Variants in ANK2 observed in about 807,000 individuals in gnomAD.
ANK2 encodes ankyrin 2.
A neutral mutation model predicts 360.5 loss-of-function variants in ANK2; 83 were observed. The ratio of observed to expected loss-of-function variants is 0.23; its 90% CI spans 0.19 to 0.28. The LOEUF is 0.28. Among genes scored for constraint, ANK2 ranks in the 10% least tolerant of loss-of-function variants. The pLI is 1.00. For missense variants in ANK2, 4,201 were observed against 4,795.7 expected (o/e 0.88, Z 3.66); for synonymous variants, 1,740 against 1,759.5 (o/e 0.99, Z 0.28).
chr4:113,044,596 A>G (rs1385859237), intron 2 of ANK2, among the ~76,000 whole-genome samples: 1 of 152,182 alleles, frequency 6.6e-6, no homozygotes, highest in Non-Finnish European at 1.5e-5. Context: ...CGGAGTCTTC[A>G]GGGCTATGTT....
the ANK2 span, chr4:112,797,641 A>G: frequency 6.1e-6 from 1 of 164,660 alleles, no homozygotes; most frequent in East Asian, 1.7e-4. Context: ...TATCATCAAT[A>G]TCACAGCCAG....
intron 2 of ANK2, among the ~76,000 whole-genome samples, chr4:113,026,065 G>T (rs543515416): frequency 1.3e-5 from 2 of 152,132 alleles, no homozygotes; most frequent in African/African-American, 4.8e-5. Flanking sequence ...TAGACAAAGC[G>T]TATATGGTAC....
intron 2 of ANK2, among the ~76,000 whole-genome samples, chr4:112,908,051 C>T (rs1286795348): frequency 6.6e-6 from 1 of 152,088 alleles, no homozygotes; most frequent in Non-Finnish European, 1.5e-5. Flanking sequence ...TTGCCTAGGG[C>T]TGAAAACATC....
At chr4:112,866,539 T>C (rs2070620343) in intron 1 of ANK2, among the ~76,000 whole-genome samples, 1 of 152,206 alleles carries the variant, frequency 6.6e-6, no homozygotes, top group Non-Finnish European at 1.5e-5. Flanking sequence ...TGAGACTTGG[T>C]TATTGCAGAA....
rs10428310 is a variant in ANK2 at position 113,187,921 on chromosome 4, A to T, written c.187-8447A>T. On this transcript the variant is annotated intron_variant, in intron 2 of 45. Transcript: ENST00000357077. ...AATAATACCTGTTATATCAAATAATAGTTTATTGCATGCCTATTACATCCT... is the reference window on the plus strand; with the variant it reads ...AATAATACCTGTTATATCAAATAATTGTTTATTGCATGCCTATTACATCCT... Among the ~76,000 whole-genome samples, 837 of 152,294 alleles carry T rather than the reference A, an allele frequency of 5.5e-3. 8 individuals are homozygous for T. Among genetic ancestry groups the T allele is most frequent in the African/African-American group, 0.02 (815 of 41,564 alleles).
intron 26 of ANK2, among the ~76,000 whole-genome samples, chr4:113,320,556 G>A (rs943363317): frequency 6.6e-6 from 1 of 152,170 alleles, no homozygotes; most frequent in Non-Finnish European, 1.5e-5. Context: ...TCAGGAGGGT[G>A]AGGCAGAAGA....
intron 5 of ANK2, among the ~76,000 whole-genome samples, chr4:113,236,054 C>T (rs530039265): frequency 6.6e-6 from 1 of 152,220 alleles, no homozygotes; most frequent in East Asian, 1.9e-4. Context: ...TTTCAATTTA[C>T]CATTCTATTG....
Position 112,911,102 on chromosome 4 carries a change from C to CAT in ANK2, c.21+6589_21+6590dup, listed in dbSNP as rs530667773. On this transcript the variant is annotated intron_variant, in intron 2 of 30. Coordinates refer to the ANK2 transcript ENST00000503271. ...CCTCCCGAGTAGCTGGGATTCCAGG[C>CAT]ATGAGCCACCATGCCCAGCTAATTT... Among the ~76,000 whole-genome samples the CAT allele has an allele frequency of 8.2e-3, 1,223 of 150,004 alleles. 12 individuals carry two copies. Among genetic ancestry groups the CAT allele is most frequent in the African/African-American group, 0.029 (1,163 of 40,774 alleles).
intron 2 of ANK2, among the ~76,000 whole-genome samples, chr4:112,983,277 T>C (rs2043699037): frequency 6.6e-6 from 1 of 152,004 alleles, no homozygotes; most frequent in African/African-American, 2.4e-5. Flanking sequence ...TGTTATAAAA[T>C]AATTATTTAG....
chr4:113,093,074 G>A (rs990294602), intron 1 of ANK2, among the ~76,000 whole-genome samples: 24 of 152,108 alleles, frequency 1.6e-4, no homozygotes, highest in African/African-American at 5.6e-4. Context: ...TATTATATAA[G>A]AATATAAAAT....
intron 1 of ANK2, among the ~76,000 whole-genome samples, chr4:113,136,415 G>A (rs575562279): frequency 2.0e-5 from 3 of 152,242 alleles, no homozygotes; most frequent in East Asian, 1.9e-4. Context: ...ACTGGAATAC[G>A]CTAGGAATGG....
At chr4:112,941,654 G>A (rs545192118) in intron 2 of ANK2, among the ~76,000 whole-genome samples, 2 of 142,462 alleles carry the variant, frequency 1.4e-5, no homozygotes, top group Non-Finnish European at 3.0e-5. Context: ...TAAATATATA[G>A]ATATATATAA....
intron 1 of ANK2, among the ~76,000 whole-genome samples, chr4:113,166,418 C>T (rs1238124090): frequency 6.6e-6 from 1 of 151,966 alleles, no homozygotes; most frequent in Non-Finnish European, 1.5e-5. Flanking sequence ...CGTATATTTA[C>T]ACTCATATAA....
chr4:112,890,422 T>C (rs570466029), intron 1 of ANK2, among the ~76,000 whole-genome samples: 6 of 152,298 alleles, frequency 3.9e-5, no homozygotes, highest in Non-Finnish European at 8.8e-5. Context: ...AACGATCAGA[T>C]ATTTGGGCTG....
intron 1 of ANK2, among the ~76,000 whole-genome samples, chr4:112,829,756 C>T (rs753431517): frequency 5.9e-5 from 9 of 151,854 alleles, no homozygotes; most frequent in Non-Finnish European, 8.8e-5. Context: ...GAGATGGAGA[C>T]CATCCTGGCT....
chr4:113,308,463 G>A (rs939463444), intron 23 of ANK2, among the ~76,000 whole-genome samples: 6 of 152,112 alleles, frequency 3.9e-5, no homozygotes, highest in Non-Finnish European at 7.3e-5. Context: ...TATTGTTAGT[G>A]GACCTCTAAG....
chr4:112,997,452 C>A (rs921274151), intron 2 of ANK2, among the ~76,000 whole-genome samples: 1 of 152,088 alleles, frequency 6.6e-6, no homozygotes, highest in Non-Finnish European at 1.5e-5. Context: ...ATATGCTTAA[C>A]AGATATCTAA....
At chr4:112,794,695 C>A in the ANK2 span, among the ~76,000 whole-genome samples, 88 of 152,300 alleles carry the variant, frequency 5.8e-4, 1 homozygote, top group Non-Finnish European at 1.1e-3. Flanking sequence ...GCCATTCCCC[C>A]TTCTCTCCCT....
At position 113,353,324 on chromosome 4, in the gene ANK2, G is replaced by T; in HGVS notation, c.4706G>T (p.Gly1569Val). ...LEKVNEILRS[G>V]TCTRDESSVQ... ...AAAGTGAATGAAATCCTGAGAAGTG[G>T]AACCTGCACAAGAGATGAAAGCAGT... Residue 1569 changes from glycine to valine, a missense_variant, in exon 38 of 46, where the codon GGA becomes GTA. By Grantham distance (109) the Gly-to-Val change is moderately radical. Around this residue, in one of 4 missense-constraint regions of ANK2, gnomAD observed 1,268 missense variants for 1,650.8 expected, o/e 0.77. Coordinates refer to ENST00000357077, the MANE Select transcript of ANK2 (RefSeq NM_001148.6). 1 of 1,613,896 alleles carries T rather than the reference G, an allele frequency of 6.2e-7. No homozygotes were observed.
Sources: gnomAD v4.1 joint callset for allele counts (sites outside exome capture counted in the v4.1 genomes callset) on GRCh38, gnomAD v4.1.1 for gene constraint, gnomAD v4.1.1 regional missense constraint, MANE v1.5 for transcripts, NCBI Gene and HGNC (gene_info 2026-07-23, HGNC 2026-07-21) for gene names.